KCTD1: variants seen among roughly 807,000 people sequenced by gnomAD.
KCTD1 encodes potassium channel tetramerization domain containing 1.
KCTD1 carries 24 observed loss-of-function variants against 66.0 expected under a neutral mutation model. The observed-to-expected ratio is 0.36, with a 90% CI of 0.26 to 0.51. The LOEUF (loss-of-function observed/expected upper bound fraction) is 0.51, where lower values mean the gene tolerates loss of function less well. Among genes scored for constraint, KCTD1 ranks in the 20% least tolerant of loss-of-function variants. The probability of loss-of-function intolerance (pLI) is 0.95; values close to 1 mark genes in which losing one functional copy is unlikely to be tolerated. For missense variants in KCTD1, 943 were observed against 1,205.2 expected, an observed-to-expected ratio of 0.78 and a Z score of 3.22; for synonymous variants, 511 against 517.2, an observed-to-expected ratio of 0.99 and a Z score of 0.16.
At chr18:26,489,864 G>A (rs773448534) in intron 2 of KCTD1, among the ~76,000 whole-genome samples, 6 of 152,158 alleles carry the variant, frequency 3.9e-5, no homozygotes, top group East Asian at 1.9e-4. Context: ...ACATGTTAAC[G>A]TTGTAAGAGA....
At chr18:26,527,693 A>G (rs1375077814) in intron 1 of KCTD1, among the ~76,000 whole-genome samples, 1 of 152,188 alleles carries the variant, frequency 6.6e-6, no homozygotes, top group East Asian at 1.9e-4. Flanking sequence ...CAGCAATTGC[A>G]GCAAATGTAC....
intron 1 of KCTD1, chr18:26,544,839 A>C (rs1360548675): frequency 6.6e-6 from 1 of 152,262 alleles, no homozygotes; most frequent in Non-Finnish European, 1.5e-5. Context: ...GTTTTAACTA[A>C]CAGGGACTTG....
At position 26,468,019 on chromosome 18, in the gene KCTD1, G is replaced by A. The variant is rs1035290565; in HGVS notation, c.2134-8094C>T. ...TTAAAGATAAAAGGCTACAGAGAGA[G>A]AGAGAGAGAGAAAGAGAGAATTGTG... On this transcript the variant is annotated intron_variant, in intron 3 of 4. Coordinates refer to ENST00000580059, the MANE Select transcript of KCTD1 (RefSeq NM_001142730.3). The surrounding 1 kb of genome is among the most constrained non-coding windows in gnomAD (Gnocchi z 4.8). Among the ~76,000 whole-genome samples the A allele has an allele frequency of 8.5e-5, 13 of 152,164 alleles. No homozygotes were observed. Among genetic ancestry groups the A allele is most frequent in the African/African-American group, 2.9e-4 (12 of 41,438 alleles).
chr18:26,476,549 C>T lies in KCTD1; in HGVS notation c.2099G>A (p.Arg700Gln). 5.0e-6 allele frequency: 8 copies of T among 1,613,190 alleles called. No individual in the cohort carries two copies. Among genetic ancestry groups the T allele is most frequent in the Admixed American group, 1.7e-5 (1 of 59,906 alleles). Reference protein sequence around the residue: ...QMFRYILNFLRTSKLLIPDDF... With the variant: ...QMFRYILNFLQTSKLLIPDDF... ...ATCAGGAATGAGGAGTTTGGATGTT[C>T]GTAGAAAATTCAAGATATATCTGAA... The change falls in exon 3 of 5, where the codon CGA becomes CAA. Residue 700 changes from arginine to glutamine, a missense_variant. This residue lies in a region of KCTD1 where 162 missense variants were observed against 232.4 expected (regional missense o/e 0.70). Coordinates refer to ENST00000580059, the MANE Select transcript of KCTD1 (RefSeq NM_001142730.3). The surrounding 1 kb of genome is among the most constrained non-coding windows in gnomAD (Gnocchi z 4.9).
chr18:26,562,031 G>A (rs1219459964), intron 1 of KCTD1, among the ~76,000 whole-genome samples: 2 of 152,126 alleles, frequency 1.3e-5, no homozygotes. Flanking sequence ...AATCAGCCCT[G>A]TCTTAAATTT....
chr18:26,655,740 A>C (rs1274764917), intron 1 of KCTD1: 1 of 152,206 alleles, frequency 6.6e-6, no homozygotes, highest in Non-Finnish European at 1.5e-5. Flanking sequence ...CATTTCCACG[A>C]CAGTGCAAGT....
rs147292509 is a variant in KCTD1, at chr18:26,510,426, G to A, written c.1810-9176C>T. ...ACCAGGGACTGTGTTAAATTAATCTGCAGTTCTTTCCTAATCTGAAGTGGT... is the reference window on the plus strand; with the variant it reads ...ACCAGGGACTGTGTTAAATTAATCTACAGTTCTTTCCTAATCTGAAGTGGT... On this transcript the variant is annotated intron_variant, in intron 1 of 4. Coordinates refer to ENST00000580059, the MANE Select transcript of KCTD1 (RefSeq NM_001142730.3). Among the ~76,000 whole-genome samples the A allele has an allele frequency of 6.0e-4, 91 of 152,308 alleles. 1 individual carries two copies. Among genetic ancestry groups the A allele is most frequent in the African/African-American group, 2.0e-3 (85 of 41,576 alleles).
chr18:26,525,326 A>G (rs1984104816), intron 1 of KCTD1, among the ~76,000 whole-genome samples: 1 of 152,200 alleles, frequency 6.6e-6, no homozygotes, highest in Non-Finnish European at 1.5e-5. Flanking sequence ...AACTGCAACA[A>G]TGCATGTGCT....
At chr18:26,502,931 A>G (rs1026246696) in intron 1 of KCTD1, among the ~76,000 whole-genome samples, 2 of 152,248 alleles carry the variant, frequency 1.3e-5, no homozygotes, top group African/African-American at 4.8e-5. Flanking sequence ...ATGATCTGGA[A>G]CAGCTTCAGG....
intron 1 of KCTD1, chr18:26,600,340 T>A: frequency 6.9e-7 from 1 of 1,450,954 alleles, no homozygotes. Context: ...TCATGATGCC[T>A]AGGAAGGGCC....
rs186115659 is a variant in KCTD1 at position 26,558,739 on chromosome 18, T to C, written c.-15-57489A>G. Among the ~76,000 whole-genome samples, 6 of 152,074 alleles carry C rather than the reference T, an allele frequency of 3.9e-5. No individual in the cohort carries two copies. The East Asian group carries it at 1.2e-3, about 29-fold the overall frequency. The stretch of plus-strand genomic sequence containing the variant: ...GAGATCGAGACCATCCTGGCCAACA[T>C]GGTGAAACCCCGTCTCTACTAAAAA... On this transcript the variant is annotated intron_variant, in intron 1 of 4. Transcript: ENST00000317932.
At chr18:26,638,485 G>A (rs1987769074) in intron 1 of KCTD1, among the ~76,000 whole-genome samples, 1 of 152,254 alleles carries the variant, frequency 6.6e-6, no homozygotes, top group African/African-American at 2.4e-5. Flanking sequence ...AGTGGAGGAG[G>A]CTTAGTTAGC....
At chr18:26,543,750 G>A (rs1223142293) in intron 1 of KCTD1, 1 of 152,216 alleles carries the variant, frequency 6.6e-6, no homozygotes, top group East Asian at 1.9e-4. Context: ...AAATAATCTA[G>A]GTTAGGGTCA....
intron 2 of KCTD1, among the ~76,000 whole-genome samples, chr18:26,487,406 A>G (rs1334489442): frequency 1.3e-5 from 2 of 148,616 alleles, no homozygotes; most frequent in East Asian, 4.1e-4. Context: ...TCAAAAGTCC[A>G]TATTACCCAA....
At chr18:26,602,833 G>A (rs191725778) in intron 1 of KCTD1, among the ~76,000 whole-genome samples, 2 of 152,262 alleles carry the variant, frequency 1.3e-5, no homozygotes, top group East Asian at 1.9e-4. Flanking sequence ...AGAACAAAGG[G>A]CCTAAATATG....
intron 4 of KCTD1, 191 bp downstream of exon 4, chr18:26,459,429 A>T (rs1195964986): frequency 3.4e-6 from 2 of 582,622 alleles, no homozygotes; most frequent in Non-Finnish European, 2.9e-6. Context: ...TCCAGTGCTC[A>T]TCCCAGCACC....
intron 2 of KCTD1, among the ~76,000 whole-genome samples, chr18:26,495,596 T>C (rs1567967770): frequency 6.6e-6 from 1 of 152,076 alleles, no homozygotes; most frequent in Non-Finnish European, 1.5e-5. Flanking sequence ...TTAGTAACTC[T>C]ACTGCTATTT....
In KCTD1 at chr18:26,509,393, T is replaced by A. The variant is rs114988245; in HGVS notation, c.1810-8143A>T. Among the ~76,000 whole-genome samples the A allele has an allele frequency of 8.8e-3, 1,336 of 151,988 alleles. 11 individuals are homozygous for A. The highest frequency in any genetic ancestry group is 0.026 in the African/African-American group (1,090 of 41,510). ...TCTTTTTTTTAAGAATATAATAAAA[T>A]TTTTTTTAATTTTATTTTTGACACT... On this transcript the variant is annotated intron_variant, in intron 1 of 4. Transcript: ENST00000580059.
chr18:26,564,019 C>CT lies in KCTD1; in HGVS notation c.-15-62770dup, dbSNP rs35602601. ...CTTAGGCTTCATTCAAAGAGAGGGG[C>CT]TTTTTTTTTTTTGTATTCGCATTGC... is the stretch of plus-strand genomic sequence containing the variant. On this transcript the variant is annotated intron_variant, in intron 1 of 4. Transcript: ENST00000317932. Among the ~76,000 whole-genome samples the CT allele has an allele frequency of 4.0e-3, 575 of 143,090 alleles. 3 individuals are homozygous for CT. The highest frequency in any genetic ancestry group is 7.5e-3 in the South Asian group (34 of 4,514). 93.9% of individuals were successfully genotyped at this position (143,090 alleles called of 152,430 possible). A position where few individuals can be genotyped will look rare whatever the true frequency, so the allele number is the denominator to read the frequency against.
Sources: gnomAD v4.1 joint callset for allele counts (sites outside exome capture counted in the v4.1 genomes callset) on GRCh38, gnomAD v4.1.1 for gene constraint, gnomAD v4.1.1 regional missense constraint, Gnocchi (gnomAD v3.1) non-coding constraint, MANE v1.5 for transcripts, NCBI Gene and HGNC (gene_info 2026-07-23, HGNC 2026-07-21) for gene names.